Variants in CGGBP1 observed in about 807,000 individuals in gnomAD.
The protein encoded by CGGBP1 is CGG triplet repeat-binding protein 1.
Under a neutral mutation model 11.4 loss-of-function variants are expected in CGGBP1, and 4 were observed. The ratio of observed to expected loss-of-function variants is 0.35; its 90% confidence interval spans 0.17 to 0.80. The LOEUF (loss-of-function observed/expected upper bound fraction) is 0.80, where lower values mean the gene tolerates loss of function less well. Ranked by LOEUF, CGGBP1 falls within the 30% of genes least tolerant of loss-of-function variation. CGGBP1 has a pLI of 0.52. For missense variants in CGGBP1, 135 were observed against 202.1 expected, an observed-to-expected ratio of 0.67 and a Z score of 2.01; for synonymous variants, 76 against 74.1, an observed-to-expected ratio of 1.03 and a Z score of -0.13.
chr3:88,082,867 C>T (rs1167461901), intron 2 of CGGBP1, among the ~76,000 whole-genome samples: 1 of 152,158 alleles, frequency 6.6e-6, no homozygotes, highest in East Asian at 1.9e-4. Context: ...GTTCTGGAGG[C>T]TGGAAGTCCC....
Position 88,052,688 on chromosome 3 carries a change from G to A in CGGBP1, c.*2785C>T, listed in dbSNP as rs1706454840. Reference sequence around the variant, plus strand: ...TTTCTGGTCCCTGAAAATTCAATAGGGCCAAATGCATTAACTGGAAATAGC... The same window carrying A: ...TTTCTGGTCCCTGAAAATTCAATAGAGCCAAATGCATTAACTGGAAATAGC... On this transcript the variant is annotated 3_prime_UTR_variant, in exon 4 of 4. Transcript: ENST00000482016. The A allele has an allele frequency of 6.6e-6, 1 of 152,020 alleles. No homozygotes were observed. Among genetic ancestry groups the A allele is most frequent in the African/African-American group, 2.4e-5 (1 of 41,344 alleles). The allele number at this position is 152,020 out of a possible 1,614,324, so 9.4% of individuals were successfully genotyped here.
At chr3:88,107,942 T>C (rs1316592874) in intron 2 of CGGBP1, among the ~76,000 whole-genome samples, 3 of 152,164 alleles carry the variant, frequency 2.0e-5, no homozygotes, top group Non-Finnish European at 4.4e-5. Flanking sequence ...GCCTTGTTCA[T>C]AGTGCTGTGT....
intron 2 of CGGBP1, among the ~76,000 whole-genome samples, chr3:88,069,705 A>T (rs1033421003): frequency 6.6e-6 from 1 of 152,306 alleles, no homozygotes; most frequent in African/African-American, 2.4e-5. Flanking sequence ...AGTTGACATT[A>T]TAGAGTGTTA....
intron 2 of CGGBP1, among the ~76,000 whole-genome samples, chr3:88,118,601 TG>T (rs749653905): frequency 5.9e-5 from 9 of 152,170 alleles, no homozygotes; most frequent in Non-Finnish European, 1.2e-4. Flanking sequence ...CTAGAGTACT[TG>T]GAATAAGTTT....
chr3:88,058,495 T>C (rs1373267118), intron 1 of CGGBP1, among the ~76,000 whole-genome samples: 1 of 151,934 alleles, frequency 6.6e-6, no homozygotes, highest in Admixed American at 6.5e-5. Flanking sequence ...GTTCCCGGCG[T>C]CTGGGCTCTC....
At chr3:88,146,730 T>C (rs1421477101) in intron 1 of CGGBP1, among the ~76,000 whole-genome samples, 1 of 152,172 alleles carries the variant, frequency 6.6e-6, no homozygotes, top group African/African-American at 2.4e-5. Context: ...TATTCCCGTT[T>C]TACTGGTTGT....
chr3:88,086,463 T>C (rs1189133769), intron 2 of CGGBP1: 3 of 1,317,090 alleles, frequency 2.3e-6, no homozygotes, highest in Non-Finnish European at 3.0e-6. Flanking sequence ...AGAATTTGTT[T>C]TTGATAATTT....
intron 2 of CGGBP1, chr3:88,128,917 T>C: frequency 6.5e-7 from 1 of 1,535,674 alleles, no homozygotes; most frequent in Non-Finnish European, 8.7e-7. Context: ...AAATCTTGTA[T>C]AAATCACCCA....
chr3:88,055,711 G>C lies in CGGBP1; in HGVS notation c.266C>G (p.Ser89Cys), dbSNP rs1350715971. 6.2e-7 allele frequency: 1 copy of C among 1,614,230 alleles called. No individual in the cohort carries two copies. Among genetic ancestry groups the C allele is most frequent in the Admixed American group, 1.7e-5 (1 of 60,032 alleles). Reference sequence around the variant, plus strand: ...TTGCGCAGTACTGTTGCACTGAAGAGATGCAGTTAGGGGCCTCTGCTTCTT... The same window carrying C: ...TTGCGCAGTACTGTTGCACTGAAGACATGCAGTTAGGGGCCTCTGCTTCTT... Reference protein sequence around the residue: ...VRKKQRPLTASLQCNSTAQTE... With the variant: ...VRKKQRPLTACLQCNSTAQTE... The change falls in exon 4 of 4, where the codon TCT (serine) becomes TGT (cysteine). Residue 89 changes from serine to cysteine, a missense_variant. Physicochemically the swap from Ser to Cys is moderately radical, Grantham distance 112 (BLOSUM62 -1). Coordinates refer to ENST00000482016, the MANE Select transcript of CGGBP1 (RefSeq NM_001008390.2). This position sits in a 1 kb window ranked among gnomAD's most constrained non-coding sequence, Gnocchi z 4.2.
intron 2 of CGGBP1, chr3:88,140,846 G>A: frequency 2.5e-6 from 4 of 1,613,604 alleles, no homozygotes; most frequent in Non-Finnish European, 2.5e-6. Flanking sequence ...TTGATGAACG[G>A]TATCTTAGTA....
chr3:88,122,356 A>G (rs1207000790), intron 2 of CGGBP1, among the ~76,000 whole-genome samples: 1 of 152,152 alleles, frequency 6.6e-6, no homozygotes, highest in Non-Finnish European at 1.5e-5. Context: ...TTAAAGTGGT[A>G]AGACTTTCAT....
chr3:88,075,556 C>T (rs1707751393), intron 2 of CGGBP1, among the ~76,000 whole-genome samples: 1 of 152,190 alleles, frequency 6.6e-6, no homozygotes, highest in Non-Finnish European at 1.5e-5. Context: ...CTGCTGCTTG[C>T]TCTTTTAGAC....
chr3:88,140,483 A>C (rs1421146524), intron 2 of CGGBP1: 1 of 1,613,650 alleles, frequency 6.2e-7, no homozygotes, highest in African/African-American at 1.3e-5. Context: ...CAGACAGTTT[A>C]GTTCAGAATG....
At chr3:88,066,182 T>C (rs1200297470) in intron 2 of CGGBP1, among the ~76,000 whole-genome samples, 4 of 152,218 alleles carry the variant, frequency 2.6e-5, no homozygotes, top group Non-Finnish European at 5.9e-5. Flanking sequence ...GAATGACCAA[T>C]GAGGTTCTAA....
At chr3:88,130,562 C>T (rs1356842808) in intron 2 of CGGBP1, among the ~76,000 whole-genome samples, 2 of 151,782 alleles carry the variant, frequency 1.3e-5, no homozygotes, top group Admixed American at 6.6e-5. Context: ...GTGATTTTCC[C>T]GCCTCAGCCT....
intron 2 of CGGBP1, among the ~76,000 whole-genome samples, chr3:88,120,651 C>T (rs927646285): frequency 6.6e-6 from 1 of 152,150 alleles, no homozygotes; most frequent in Non-Finnish European, 1.5e-5. Context: ...TTCTGCTTTA[C>T]TATACAGTTT....
intron 2 of CGGBP1, among the ~76,000 whole-genome samples, chr3:88,097,097 CT>C (rs1704109166): frequency 6.6e-6 from 1 of 152,058 alleles, no homozygotes; most frequent in Admixed American, 6.6e-5. Context: ...TTGTTTCAAT[CT>C]TTTGCTGTTA....
chr3:88,119,609 A>G (rs1200048002), intron 2 of CGGBP1, among the ~76,000 whole-genome samples: 3 of 151,680 alleles, frequency 2.0e-5, no homozygotes, highest in Non-Finnish European at 4.4e-5. Context: ...CTTAGGCAGC[A>G]CTGTGACCTG....
At chr3:88,106,477 A>G (rs56211058) in intron 2 of CGGBP1, among the ~76,000 whole-genome samples, 11,926 of 152,006 alleles carry the variant, frequency 0.078, 524 homozygotes, top group Non-Finnish European at 0.1. Flanking sequence ...AGCTGAGATT[A>G]CACATGTGTG....
Sources: gnomAD v4.1 joint callset for allele counts (sites outside exome capture counted in the v4.1 genomes callset) on GRCh38, gnomAD v4.1.1 for gene constraint, Gnocchi (gnomAD v3.1) non-coding constraint, MANE v1.5 for transcripts, NCBI Gene and HGNC (gene_info 2026-07-23, HGNC 2026-07-21) for gene names.